LARP4B: variants seen among roughly 807,000 people sequenced by gnomAD.
LARP4B encodes the protein la-related protein 4B.
LARP4B carries 12 observed loss-of-function variants against 89.8 expected under a neutral mutation model. That is an observed-to-expected ratio of 0.13 (90% CI 0.09 to 0.22). LARP4B has a LOEUF of 0.22. Ranked by LOEUF, LARP4B falls within the 10% of genes least tolerant of loss-of-function variation. The pLI is 1.00. For synonymous variants in LARP4B, 367 were observed against 363.3 expected (o/e 1.01, Z -0.12); for missense variants, 757 against 947.7 (o/e 0.80, Z 2.64).
the LARP4B span, among the ~76,000 whole-genome samples, chr10:937,263 G>A: frequency 2.6e-5 from 4 of 152,046 alleles, no homozygotes; most frequent in African/African-American, 4.8e-5. Context: ...GGCTGGTCTC[G>A]AACTCCTGGG....
intron 1 of LARP4B, among the ~76,000 whole-genome samples, chr10:894,529 G>T (rs940821151): frequency 1.3e-5 from 2 of 152,034 alleles, no homozygotes; most frequent in Non-Finnish European, 2.9e-5. Flanking sequence ...AAATGACATA[G>T]AAAAACTTTT....
chr10:900,108 G>A (rs1297355747), intron 1 of LARP4B, among the ~76,000 whole-genome samples: 1 of 152,134 alleles, frequency 6.6e-6, no homozygotes, highest in Non-Finnish European at 1.5e-5. Context: ...CACTTTGGGA[G>A]GCCGAGGCGG....
At chr10:829,322 T>C (rs1832778209) in intron 11 of LARP4B, 63 bp downstream of exon 11, 1 of 1,369,838 alleles carries the variant, frequency 7.3e-7, no homozygotes. Context: ...ATGAGGATTT[T>C]AATCCTTCAA....
chr10:946,394 T>C, the LARP4B span, among the ~76,000 whole-genome samples: 1 of 152,246 alleles, frequency 6.6e-6, no homozygotes, highest in East Asian at 1.9e-4. Flanking sequence ...ACAAAGATTC[T>C]TAAATTGTCT....
intron 5 of LARP4B, among the ~76,000 whole-genome samples, chr10:854,998 T>C (rs1834231952): frequency 6.6e-6 from 1 of 152,240 alleles, no homozygotes; most frequent in Non-Finnish European, 1.5e-5. Flanking sequence ...GGAGACTGCT[T>C]CTTTTCTTTA....
chr10:893,795 T>A (rs1215251180), intron 1 of LARP4B, among the ~76,000 whole-genome samples: 3 of 152,148 alleles, frequency 2.0e-5, no homozygotes, highest in Non-Finnish European at 4.4e-5. Flanking sequence ...CCAATAGCCA[T>A]GCACGGAGCC....
At chr10:870,585 A>G (rs1418545745) in intron 3 of LARP4B, among the ~76,000 whole-genome samples, 1 of 152,210 alleles carries the variant, frequency 6.6e-6, no homozygotes, top group Non-Finnish European at 1.5e-5. Flanking sequence ...TTTAAAGTCG[A>G]CTGTGTAAGA....
intron 1 of LARP4B, among the ~76,000 whole-genome samples, chr10:908,785 T>C (rs1836570457): frequency 6.6e-6 from 1 of 152,140 alleles, no homozygotes. Context: ...TGAAACAGAA[T>C]TCAGAAGTTC....
the LARP4B span, among the ~76,000 whole-genome samples, chr10:948,138 G>C: frequency 6.6e-6 from 1 of 151,618 alleles, no homozygotes; most frequent in African/African-American, 2.4e-5. Context: ...TGGGGCCCAA[G>C]GCATGCATTC....
At chr10:857,669 G>T (rs1255670422) in intron 5 of LARP4B, among the ~76,000 whole-genome samples, 5 of 152,206 alleles carry the variant, frequency 3.3e-5, no homozygotes, top group Non-Finnish European at 7.3e-5. Context: ...GGTCCCACGT[G>T]TAAGGGGCTT....
Position 885,684 on chromosome 10 carries a change from G to A in LARP4B, c.38C>T (p.Pro13Leu), listed in dbSNP as rs781692635. The change falls in exon 2 of 18, where the codon CCG becomes CTG. Residue 13 changes from proline (P) to leucine (L), a missense_variant. By Grantham distance (98) the Pro-to-Leu change is moderately conservative (BLOSUM62 -3). Transcript: ENST00000316157. Reference protein sequence around the residue: ...SDQDAKVVAEPQTQRVQEGKD... With the variant: ...SDQDAKVVAELQTQRVQEGKD... ...GCCCTCCTGGACTCTCTGCGTCTGC[G>A]GTTCAGCCACAACCTTAGCGTCCTG... is the stretch of plus-strand genomic sequence containing the variant. 1.9e-6 allele frequency: 3 copies of A among 1,614,058 alleles called. No homozygotes were observed. Among genetic ancestry groups the A allele is most frequent in the Non-Finnish European group, 8.5e-7 (1 of 1,180,002 alleles).
chr10:858,781 C>CT (rs1834437080), intron 5 of LARP4B, among the ~76,000 whole-genome samples: 1 of 152,154 alleles, frequency 6.6e-6, no homozygotes, highest in Non-Finnish European at 1.5e-5. Context: ...AAAAAGGGTG[C>CT]TTGGCATCAC....
At chr10:889,661 T>C (rs17159970) in intron 1 of LARP4B, among the ~76,000 whole-genome samples, 23,763 of 152,136 alleles carry the variant, frequency 0.16, 2,007 homozygotes, top group Non-Finnish European at 0.19. Flanking sequence ...AACATCTCAC[T>C]CAATTTTCCC....
chr10:838,553 T>C (rs1443915298), intron 7 of LARP4B, among the ~76,000 whole-genome samples: 2 of 152,062 alleles, frequency 1.3e-5, no homozygotes, highest in African/African-American at 4.8e-5. Context: ...AATTAAGACA[T>C]CAATGAGATG....
At chr10:935,694 C>CTTTTCT (rs1387429009), upstream of LARP4B, among the ~76,000 whole-genome samples, 1 of 147,014 alleles carries the variant, frequency 6.8e-6, no homozygotes, top group Non-Finnish European at 1.5e-5. Flanking sequence ...TGAGAACATT[C>CTTTTCT]TTTTCTTTTT....
the LARP4B span, among the ~76,000 whole-genome samples, chr10:954,616 AC>A: frequency 6.6e-6 from 1 of 152,144 alleles, no homozygotes; most frequent in Non-Finnish European, 1.5e-5. This position sits in a 1 kb window ranked among gnomAD's most constrained non-coding sequence, Gnocchi z 5.0. Flanking sequence ...CCGAGAGGCC[AC>A]AGAACCTAAA....
chr10:903,488 T>C (rs1396684474), intron 1 of LARP4B: 1 of 152,204 alleles, frequency 6.6e-6, no homozygotes, highest in Non-Finnish European at 1.5e-5. Flanking sequence ...ATAGTCTCCA[T>C]AAAAATCTTT....
chr10:949,987 G>A, the LARP4B span, among the ~76,000 whole-genome samples: 9 of 152,202 alleles, frequency 5.9e-5, no homozygotes, highest in South Asian at 6.2e-4. Context: ...TGTTGCCCAC[G>A]CTGGTCTTGA....
chr10:958,605 A>T, the LARP4B span, among the ~76,000 whole-genome samples: 1 of 152,200 alleles, frequency 6.6e-6, no homozygotes, highest in Non-Finnish European at 1.5e-5. Flanking sequence ...TTCCCCTAAA[A>T]TTATGTCATA....
Sources: gnomAD v4.1 joint callset for allele counts (sites outside exome capture counted in the v4.1 genomes callset) on GRCh38, gnomAD v4.1.1 for gene constraint, Gnocchi (gnomAD v3.1) non-coding constraint, MANE v1.5 for transcripts, NCBI Gene and HGNC (gene_info 2026-07-23, HGNC 2026-07-21) for gene names.